The following PKD1L1 variants were observed in gnomAD, a reference collection of about 807,000 sequenced individuals.
PKD1L1 encodes polycystin 1 like 1, transient receptor potential channel interacting.
A neutral mutation model predicts 323.4 loss-of-function variants in PKD1L1; 236 were observed. The observed-to-expected ratio is 0.73, with a 90% CI of 0.66 to 0.81. PKD1L1 has a LOEUF of 0.81. PKD1L1 is among the 40% of genes least tolerant of loss of function. PKD1L1 has a pLI of 0.00. For missense variants in PKD1L1, 3,320 were observed against 3,508.0 expected, an observed-to-expected ratio of 0.95 and a Z score of 1.35; for synonymous variants, 1,344 against 1,335.0, an observed-to-expected ratio of 1.01 and a Z score of -0.15.
Position 47,843,063 on chromosome 7 carries a change from C to G in PKD1L1, c.5344G>C (p.Ala1782Pro). ...RQVDHHEKKK[A>P]GYIFLQEASL... ...GCTTCTTGCAGAAAGATGTAACCAG[C>G]TTTCTTTTTTTCATGATGATCTACT... Residue 1782 changes from alanine to proline, a missense_variant, in exon 34 of 57, where the codon GCT becomes CCT. Transcript: ENST00000289672. The G allele has an allele frequency of 3.1e-6, 5 of 1,613,990 alleles. No individual in the cohort carries two copies. The highest frequency in any genetic ancestry group is 4.2e-6 in the Non-Finnish European group (5 of 1,179,922).
chr7:47,905,842 C>G lies in PKD1L1; in HGVS notation c.1522+1G>C, dbSNP rs769549132. The G allele has an allele frequency of 6.2e-7, 1 of 1,611,944 alleles. No homozygotes were observed. The highest frequency in any genetic ancestry group is 1.1e-5 in the South Asian group (1 of 90,540). ...AATCTGGAATTAAAACAAAGACATA[C>G]ATTGCATCTTATACCAGACAGTCAT... On this transcript the variant is annotated splice_donor_variant, in intron 10 of 56. Coordinates refer to ENST00000289672, the MANE Select transcript of PKD1L1 (RefSeq NM_138295.5). LOFTEE classifies it high-confidence loss of function.
intron 52 of PKD1L1, among the ~76,000 whole-genome samples, chr7:47,806,772 T>C (rs1280958772): frequency 6.6e-6 from 1 of 152,244 alleles, no homozygotes; most frequent in Non-Finnish European, 1.5e-5. Flanking sequence ...ACAATAACTG[T>C]TGAATGTGCT....
At position 47,908,124 on chromosome 7, in the gene PKD1L1, T is replaced by C. The variant is rs759009537; in HGVS notation, c.1355A>G (p.His452Arg). Residue 452 changes from histidine (H) to arginine (R), a missense_variant, in exon 9 of 57, where the codon CAT (histidine) becomes CGT (arginine). Transcript: ENST00000289672. ...AGCAAAGACAAGCACTTCATCTTCA[T>C]GGACACTGCTGGAGTTCATGAACGC... Reference protein sequence around the residue: ...VSAFMNSSSVHEDEVLVFADS... With the variant: ...VSAFMNSSSVREDEVLVFADS... The C allele has an allele frequency of 6.2e-7, 1 of 1,614,086 alleles. No homozygotes were observed. The highest frequency in any genetic ancestry group is 8.5e-7 in the Non-Finnish European group (1 of 1,180,046).
intron 31 of PKD1L1, 66 bp from the exon 32 acceptor site, chr7:47,847,137 A>G: frequency 7.5e-7 from 1 of 1,329,036 alleles, no homozygotes; most frequent in Non-Finnish European, 1.0e-6. Context: ...CTCCATTTCA[A>G]ACGCAGACAG....
intron 19 of PKD1L1, 60 bp from the exon 20 acceptor site, chr7:47,882,145 C>G (rs1466543851): frequency 1.3e-6 from 2 of 1,538,796 alleles, no homozygotes; most frequent in African/African-American, 1.4e-5. Flanking sequence ...GATCTTAAAG[C>G]ATTAGTGATT....
At chr7:47,956,265 A>G in the PKD1L1 span, among the ~76,000 whole-genome samples, 10 of 152,218 alleles carry the variant, frequency 6.6e-5, no homozygotes, top group South Asian at 2.1e-4. Context: ...CAGTTTCTAC[A>G]GTGGGAAAAG....
Position 47,840,442 on chromosome 7 carries a change from G to A in PKD1L1, c.5552+19C>T. ...TGGCCTCTCTTTCCCAAATCTAGCA[G>A]TGAAATATTTTGGAATACCTCAGGA... On this transcript the variant is annotated intron_variant, in intron 35 of 56. Coordinates refer to ENST00000289672, the MANE Select transcript of PKD1L1 (RefSeq NM_138295.5). The surrounding 1 kb of genome is among the most constrained non-coding windows in gnomAD (Gnocchi z 4.1). The A allele has an allele frequency of 6.4e-7, 1 of 1,573,966 alleles. No homozygotes were observed. Among genetic ancestry groups the A allele is most frequent in the Non-Finnish European group, 8.7e-7 (1 of 1,143,452 alleles).
chr7:47,882,095 T>C lies in PKD1L1; in HGVS notation c.3266-10A>G, dbSNP rs750786684. On this transcript the variant is annotated splice_polypyrimidine_tract_variant and intron_variant, in intron 19 of 56. Transcript: ENST00000289672. The stretch of plus-strand genomic sequence containing the variant: ...AAGCTGGTGTCCTTAGCTAGGAAGA[T>C]AAACCAAGCCAATAGATGTTAAAGA... The C allele has an allele frequency of 1.9e-6, 3 of 1,612,260 alleles. No individual in the cohort carries two copies. The highest frequency in any genetic ancestry group is 1.7e-4 in the Middle Eastern group (1 of 6,048).
chr7:47,932,253 G>A (rs1410098844), intron 4 of PKD1L1, among the ~76,000 whole-genome samples, 197 bp from the exon 5 acceptor site: 1 of 152,168 alleles, frequency 6.6e-6, no homozygotes, highest in Non-Finnish European at 1.5e-5. Flanking sequence ...AAACCAGCGG[G>A]GCTGCTGCAG....
the PKD1L1 span, among the ~76,000 whole-genome samples, chr7:47,960,398 T>TAAAAAAAA: frequency 1.9e-5 from 2 of 107,602 alleles, no homozygotes; most frequent in Non-Finnish European, 3.7e-5. Context: ...AAAAAAACTG[T>TAAAAAAAA]AAAAAAGAAA....
At chr7:47,901,153 G>C (rs1271880331) in intron 13 of PKD1L1, among the ~76,000 whole-genome samples, 1 of 151,870 alleles carries the variant, frequency 6.6e-6, no homozygotes, top group African/African-American at 2.4e-5. Flanking sequence ...CAGCTAGCCT[G>C]GCCAATATGG....
chr7:47,895,753 G>A (rs951267372), intron 14 of PKD1L1, among the ~76,000 whole-genome samples: 1 of 152,106 alleles, frequency 6.6e-6, no homozygotes, highest in Non-Finnish European at 1.5e-5. Context: ...ATTAGTTTAC[G>A]GTTGGTGTTT....
At chr7:47,833,862 CCGTGTCACAGGCCT>C (rs1223121550) in intron 40 of PKD1L1, among the ~76,000 whole-genome samples, 1 of 152,208 alleles carries the variant, frequency 6.6e-6, no homozygotes, top group Non-Finnish European at 1.5e-5. Context: ...TCCAACTGCC[CCGTGTCACAGGCCT>C]CTTTGAGACC....
intron 31 of PKD1L1, among the ~76,000 whole-genome samples, chr7:47,851,110 C>T (rs967855189): frequency 2.6e-5 from 4 of 152,096 alleles, no homozygotes; most frequent in Non-Finnish European, 2.9e-5. Context: ...CACACACAGA[C>T]GTTAAATCAG....
intron 12 of PKD1L1, among the ~76,000 whole-genome samples, chr7:47,902,841 C>T (rs1787121714): frequency 1.3e-5 from 2 of 152,188 alleles, no homozygotes; most frequent in Admixed American, 6.5e-5. Context: ...CATGACCTGG[C>T]CCCCTTTTGA....
intron 45 of PKD1L1, 55 bp from the exon 46 acceptor site, chr7:47,821,241 G>C: frequency 9.7e-7 from 1 of 1,026,492 alleles, no homozygotes; most frequent in Non-Finnish European, 1.5e-6. Context: ...GTAGGTACCT[G>C]AGTGCTTCAA....
Position 47,858,791 on chromosome 7 carries a change from A to C in PKD1L1, c.4244T>G (p.Val1415Gly), listed in dbSNP as rs909181884. ...FSGPFVIDKG[V>G]RLELIGLISR... is the part of the protein sequence containing the mutation. ...TATGAGACCGATGAGCTCAAGCCTC[A>C]CTCCTTTGTCAATCACAAATGGCCC... Residue 1415 changes from valine (V) to glycine (G), a missense_variant, in exon 27 of 57, where the codon GTG becomes GGG. Transcript: ENST00000289672. 3 of 1,614,010 alleles carry C rather than the reference A, an allele frequency of 1.9e-6. No homozygotes were observed. Among genetic ancestry groups the C allele is most frequent in the African/African-American group, 2.7e-5 (2 of 74,894 alleles).
At chr7:47,942,594 T>C (rs890795833) in intron 2 of PKD1L1, among the ~76,000 whole-genome samples, 4 of 152,138 alleles carry the variant, frequency 2.6e-5, no homozygotes, top group Middle Eastern at 3.2e-3. Context: ...ATCCTGGCAA[T>C]TACGTTTCAG....
chr7:47,811,739 C>G (rs1358676847), intron 50 of PKD1L1, 78 bp downstream of exon 50: 3 of 1,192,854 alleles, frequency 2.5e-6, no homozygotes, highest in Non-Finnish European at 2.4e-6. Flanking sequence ...CTAGTCCTGT[C>G]TGGTGGAGAA....
Sources: allele counts gnomAD v4.1 joint callset (sites outside exome capture counted in the v4.1 genomes callset), GRCh38; gene constraint gnomAD v4.1.1; non-coding constraint Gnocchi (gnomAD v3.1); transcripts MANE v1.5; gene names NCBI Gene and HGNC (gene_info 2026-07-23, HGNC 2026-07-21).